HIVEP1: variants seen among roughly 807,000 people sequenced by gnomAD.
The protein encoded by HIVEP1 is zinc finger protein 40.
HIVEP1 carries 36 observed loss-of-function variants against 180.0 expected under a neutral mutation model. The ratio of observed to expected loss-of-function variants is 0.20; its 90% confidence interval spans 0.15 to 0.26. The LOEUF (loss-of-function observed/expected upper bound fraction) is 0.26. Among genes scored for constraint, HIVEP1 ranks in the 10% least tolerant of loss-of-function variants. The pLI is 1.00. For synonymous variants in HIVEP1, 1,239 were observed against 1,239.0 expected, an observed-to-expected ratio of 1.00 and a Z score of 0.00; for missense variants, 3,143 against 3,268.7, an observed-to-expected ratio of 0.96 and a Z score of 0.94.
At chr6:12,151,795 C>A (rs1221527091) in intron 7 of HIVEP1, among the ~76,000 whole-genome samples, 1 of 152,170 alleles carries the variant, frequency 6.6e-6, no homozygotes, top group Non-Finnish European at 1.5e-5. Flanking sequence ...AAGAAATGAG[C>A]CTGGCTGTGT....
intron 2 of HIVEP1, among the ~76,000 whole-genome samples, chr6:12,018,813 TAAG>T (rs1768004444): frequency 6.6e-6 from 1 of 152,132 alleles, no homozygotes; most frequent in Non-Finnish European, 1.5e-5. Flanking sequence ...TTCTAGAGCA[TAAG>T]AAGTTCTCTT....
Position 12,063,824 on chromosome 6 carries a change from C to T in HIVEP1, c.41-25360C>T, listed in dbSNP as rs899387755. 6.6e-5 allele frequency among the ~76,000 whole-genome samples: 10 copies of T among 152,186 alleles called. No homozygotes were observed. Among genetic ancestry groups the T allele is most frequent in the Non-Finnish European group, 1.3e-4 (9 of 68,038 alleles). On this transcript the variant is annotated intron_variant, in intron 2 of 8. Coordinates refer to ENST00000379388, the MANE Select transcript of HIVEP1 (RefSeq NM_002114.4). The surrounding 1 kb of genome is among the most constrained non-coding windows in gnomAD (Gnocchi z 4.2). ...CCAGCTTCACCATGCATGAGATTCACATATGTTTCTTAGTGGTAAAAATCA... is the reference window on the plus strand; with the variant it reads ...CCAGCTTCACCATGCATGAGATTCATATATGTTTCTTAGTGGTAAAAATCA...
Position 12,123,942 on chromosome 6 carries a change from C to G in HIVEP1, c.4147C>G (p.Leu1383Val). 2.5e-6 allele frequency: 4 copies of G among 1,614,110 alleles called. No homozygotes were observed. The highest frequency in any genetic ancestry group is 3.4e-6 in the Non-Finnish European group (4 of 1,179,962). Residue 1383 changes from leucine to valine, a missense_variant, in exon 4 of 9, where the codon CTC (leucine) becomes GTC (valine). By Grantham distance (32) the Leu-to-Val change is conservative (BLOSUM62 1). Around this residue, in one of 12 missense-constraint regions of HIVEP1, gnomAD observed 1,357 missense variants for 1,260.5 expected, o/e 1.08. Transcript: ENST00000379388. ...GCAAACGTCAATGGAGGTCTCTGATCTCAGAAGCAAATCATTCGATTGTGG... is the reference window on the plus strand; with the variant it reads ...GCAAACGTCAATGGAGGTCTCTGATGTCAGAAGCAAATCATTCGATTGTGG... ...CTQTSMEVSD[L>V]RSKSFDCGSI...
chr6:12,049,432 C>T (rs567517543), intron 2 of HIVEP1, among the ~76,000 whole-genome samples: 1 of 152,232 alleles, frequency 6.6e-6, no homozygotes, highest in East Asian at 1.9e-4. Context: ...ACAGCACTGG[C>T]TTTCTGTGTT....
chr6:12,076,897 C>T (rs1356929526), intron 2 of HIVEP1, among the ~76,000 whole-genome samples: 1 of 152,102 alleles, frequency 6.6e-6, no homozygotes, highest in African/African-American at 2.4e-5. Context: ...AGAATATAGT[C>T]AGCTACTTAA....
chr6:12,032,879 T>C (rs1453163274), intron 2 of HIVEP1, among the ~76,000 whole-genome samples: 1 of 152,246 alleles, frequency 6.6e-6, no homozygotes, highest in African/African-American at 2.4e-5. Context: ...TCTTTCAGGG[T>C]ACATTTTGGT....
At chr6:12,069,464 A>G (rs4714170) in intron 2 of HIVEP1, among the ~76,000 whole-genome samples, 37,161 of 150,992 alleles carry the variant, frequency 0.25, 4,810 homozygotes, top group Admixed American at 0.32. Context: ...GATATACTCA[A>G]TTTTTTAAAA....
At chr6:12,040,231 A>AACTGTGTTCGAATCTTTGCTTTT in intron 2 of HIVEP1, among the ~76,000 whole-genome samples, 1 of 152,236 alleles carries the variant, frequency 6.6e-6, no homozygotes, top group South Asian at 2.1e-4. Context: ...AAAGAGATTT[A>AACTGTGTTCGAATCTTTGCTTTT]ACTGTGTTCG....
At chr6:12,091,213 A>G (rs934765715) in intron 3 of HIVEP1, among the ~76,000 whole-genome samples, 1 of 152,126 alleles carries the variant, frequency 6.6e-6, no homozygotes, top group Non-Finnish European at 1.5e-5. Flanking sequence ...CATTTCTTCC[A>G]TCAAAGAATA....
intron 2 of HIVEP1, among the ~76,000 whole-genome samples, chr6:12,039,443 G>C (rs1245577661): frequency 6.6e-6 from 1 of 152,152 alleles, no homozygotes; most frequent in East Asian, 1.9e-4. Flanking sequence ...GCCTCTTTTT[G>C]GGGTTGGGTT....
At chr6:12,091,242 G>A (rs548596694) in intron 3 of HIVEP1, among the ~76,000 whole-genome samples, 9 of 151,988 alleles carry the variant, frequency 5.9e-5, no homozygotes, top group African/African-American at 1.4e-4. Context: ...AAATATAGAC[G>A]TTCATTTTAG....
the HIVEP1 span, among the ~76,000 whole-genome samples, chr6:12,198,584 A>G: frequency 6.6e-6 from 1 of 152,198 alleles, no homozygotes; most frequent in African/African-American, 2.4e-5. Flanking sequence ...GGAAATAAAT[A>G]AATGATAGGG....
Position 12,124,161 on chromosome 6 carries a change from C to A in HIVEP1, c.4366C>A (p.Leu1456Ile). Residue 1456 changes from leucine (L) to isoleucine (I), a missense_variant, in exon 4 of 9, where the codon CTT becomes ATT. Leu to Ile is a conservative substitution (Grantham distance 5, BLOSUM62 2). Transcript: ENST00000379388. ...CCCAACATCTTTCCAAAATACTGCT[C>A]TTCCCAGTGTGAATGCAGTGCCATA... ...VHPTSFQNTA[L>I]PSVNAVPYQG... is the part of the protein sequence containing the mutation. The A allele has an allele frequency of 6.2e-7, 1 of 1,614,080 alleles. No individual in the cohort carries two copies. Among genetic ancestry groups the A allele is most frequent in the East Asian group, 2.2e-5 (1 of 44,882 alleles).
Position 12,122,007 on chromosome 6 carries a change from C to T in HIVEP1, c.2212C>T (p.Pro738Ser), listed in dbSNP as rs56227171. 3 of 1,614,182 alleles carry T rather than the reference C, an allele frequency of 1.9e-6. No homozygotes were observed. The South Asian group carries it at 3.3e-5, about 18-fold the overall frequency. ...GCTTTTACCAGGTCAGATGCGCCCA[C>T]CTTTGGCCACAAAAACACTTGAGGA... Reference protein sequence around the residue: ...ALLLPGQMRPPLATKTLEERI... With the variant: ...ALLLPGQMRPSLATKTLEERI... Residue 738 changes from proline (P) to serine (S), a missense_variant, in exon 4 of 9, where the codon CCT becomes TCT. Pro to Ser is a moderately conservative substitution (Grantham distance 74, BLOSUM62 -1). Transcript: ENST00000379388.
chr6:12,127,786 A>G (rs1421703623), intron 4 of HIVEP1, among the ~76,000 whole-genome samples: 2 of 152,230 alleles, frequency 1.3e-5, no homozygotes, highest in East Asian at 1.9e-4. Context: ...AGAAAGTGGC[A>G]TCACACAAAA....
intron 6 of HIVEP1, 109 bp from the exon 7 acceptor site, chr6:12,135,682 C>T (rs577584670): frequency 1.1e-4 from 74 of 680,604 alleles, no homozygotes; most frequent in Middle Eastern, 5.7e-4. Context: ...TGGAGTTGTA[C>T]GACCACAATC....
chr6:12,019,725 A>C (rs189244901), intron 2 of HIVEP1, among the ~76,000 whole-genome samples: 11 of 152,312 alleles, frequency 7.2e-5, no homozygotes, highest in Admixed American at 6.5e-4. Flanking sequence ...TTATGCTTCC[A>C]TGGTAGTTTC....
rs770375470 is a variant in HIVEP1 at position 12,123,778 on chromosome 6, C to G, written c.3983C>G (p.Ser1328Cys). 2 of 1,614,202 alleles carry G rather than the reference C, an allele frequency of 1.2e-6. No homozygotes were observed. Among genetic ancestry groups the G allele is most frequent in the Non-Finnish European group, 1.7e-6 (2 of 1,180,042 alleles). Residue 1328 changes from serine (S) to cysteine (C), a missense_variant, in exon 4 of 9, where the codon TCT becomes TGT. Around this residue, in one of 12 missense-constraint regions of HIVEP1, gnomAD observed 1,357 missense variants for 1,260.5 expected, o/e 1.08. Transcript: ENST00000379388. ...FSASLDIEDV[S>C]KTEASPKIDF... is the part of the protein sequence containing the mutation. ...GCCTCTTTAGACATAGAGGACGTTT[C>G]TAAAACGGAGGCTTCCCCCAAAATC...
chr6:12,168,219 CAT>C (rs1181966150), downstream of HIVEP1, among the ~76,000 whole-genome samples: 123 of 94,306 alleles, frequency 1.3e-3, 1 homozygote, highest in African/African-American at 5.1e-3. Flanking sequence ...TACATATATA[CAT>C]ATATTATATA....
Sources: allele counts gnomAD v4.1 joint callset (sites outside exome capture counted in the v4.1 genomes callset), GRCh38; gene constraint gnomAD v4.1.1; regional missense constraint gnomAD v4.1.1; non-coding constraint Gnocchi (gnomAD v3.1); transcripts MANE v1.5; gene names NCBI Gene and HGNC (gene_info 2026-07-23, HGNC 2026-07-21).